HERC2: variants seen among roughly 807,000 people sequenced by gnomAD.
HERC2 encodes the protein E3 ubiquitin-protein ligase HERC2.
A neutral mutation model predicts 537.7 loss-of-function variants in HERC2; 102 were observed. The observed-to-expected ratio is 0.19, with a 90% CI of 0.16 to 0.22. HERC2 has a LOEUF of 0.22. HERC2 is among the 10% of genes least tolerant of loss of function. The pLI, the probability that HERC2 is intolerant of heterozygous loss-of-function variation, is 1.00. For missense variants in HERC2, 4,236 were observed against 6,198.2 expected, an observed-to-expected ratio of 0.68 and a Z score of 10.63; for synonymous variants, 2,224 against 2,466.2, an observed-to-expected ratio of 0.90 and a Z score of 2.91.
chr15:28,291,118 GTA>G (rs2076298943), intron 4 of HERC2, among the ~76,000 whole-genome samples: 1 of 152,220 alleles, frequency 6.6e-6, no homozygotes, highest in Non-Finnish European at 1.5e-5. Context: ...TGGATAACAG[GTA>G]GTACATGCTG....
intron 45 of HERC2, chr15:28,203,992 CCA>C (rs1898143424): frequency 6.6e-6 from 1 of 152,020 alleles, no homozygotes; most frequent in Non-Finnish European, 1.5e-5. Context: ...AATTAAGGAT[CCA>C]CAACCAGGGC....
Position 28,112,006 on chromosome 15 carries a change from G to C in HERC2, c.14262C>G (p.His4754Gln). 1 of 1,614,010 alleles carries C rather than the reference G, an allele frequency of 6.2e-7. No individual in the cohort carries two copies. The highest frequency in any genetic ancestry group is 1.1e-5 in the South Asian group (1 of 91,078). Reference sequence around the variant, plus strand: ...AACAGGTGTAGGACTCAGGGAGGAAGTGGTCTGGAGGGTTGTATTTATCCA... The same window carrying C: ...AACAGGTGTAGGACTCAGGGAGGAACTGGTCTGGAGGGTTGTATTTATCCA... ...QVLDKYNPPD[H>Q]FLPESYTCFF... Residue 4754 changes from histidine to glutamine, a missense_variant, in exon 93 of 93, where the codon CAC becomes CAG. Around this residue, in one of 27 missense-constraint regions of HERC2, gnomAD observed 313 missense variants for 462.6 expected, o/e 0.68. Coordinates refer to ENST00000261609, the MANE Select transcript of HERC2 (RefSeq NM_004667.6).
chr15:28,209,595 A>G (rs533516106), intron 44 of HERC2, among the ~76,000 whole-genome samples: 24 of 152,238 alleles, frequency 1.6e-4, no homozygotes, highest in South Asian at 6.2e-4. Context: ...TGCCCGCCTT[A>G]GCCTCCCAAA....
intron 2 of HERC2, among the ~76,000 whole-genome samples, chr15:28,317,955 G>A (rs1349037596): frequency 6.6e-6 from 1 of 152,042 alleles, no homozygotes; most frequent in Non-Finnish European, 1.5e-5. Flanking sequence ...AATTTCATGT[G>A]CCACTTAAAA....
At chr15:28,263,236 C>T (rs1249940381) in intron 14 of HERC2, 67 bp from the exon 15 acceptor site, 1 of 1,528,100 alleles carries the variant, frequency 6.5e-7, no homozygotes, top group South Asian at 1.2e-5. Context: ...TAAATGACTG[C>T]AAATAATATA....
At chr15:28,318,684 T>C (rs941109218) in intron 2 of HERC2, among the ~76,000 whole-genome samples, 36 of 152,128 alleles carry the variant, frequency 2.4e-4, no homozygotes, top group Non-Finnish European at 4.6e-4. Flanking sequence ...TATATATGCC[T>C]GGCATAAAAT....
At chr15:28,149,543 G>A (rs962016022) in intron 70 of HERC2, among the ~76,000 whole-genome samples, 3 of 147,002 alleles carry the variant, frequency 2.0e-5, no homozygotes, top group Admixed American at 6.8e-5. Flanking sequence ...GAACGTCACC[G>A]AGAATGGCCA....
intron 2 of HERC2, chr15:28,316,204 C>T (rs2077078440): frequency 2.7e-5 from 3 of 110,450 alleles, no homozygotes; most frequent in African/African-American, 1.1e-4. Context: ...ACCTGGGCAA[C>T]AGAGTGAGAC....
At chr15:28,286,660 A>C (rs555579189) in intron 4 of HERC2, among the ~76,000 whole-genome samples, 4 of 152,222 alleles carry the variant, frequency 2.6e-5, no homozygotes, top group African/African-American at 7.2e-5. Flanking sequence ...CCTATGCCAA[A>C]AACAATGTCA....
chr15:28,221,449 G>A (rs1330403776), intron 36 of HERC2, among the ~76,000 whole-genome samples: 52 of 149,752 alleles, frequency 3.5e-4, no homozygotes, highest in Middle Eastern at 3.4e-3. Context: ...TGACAAAGCC[G>A]GGGCTTACCA....
chr15:28,258,414 G>A (rs1408049317), intron 16 of HERC2, among the ~76,000 whole-genome samples: 1 of 152,128 alleles, frequency 6.6e-6, no homozygotes, highest in Admixed American at 6.5e-5. Context: ...AGAGGTTGCC[G>A]TGAGCTGAGA....
chr15:28,127,167 T>G (rs924100521), intron 83 of HERC2, among the ~76,000 whole-genome samples: 3 of 152,218 alleles, frequency 2.0e-5, no homozygotes, highest in Non-Finnish European at 4.4e-5. Flanking sequence ...CTGCCTGCTC[T>G]CCACACGTTG....
rs59556486 is a variant in HERC2, at chr15:28,254,290, A to C, written c.3050+50T>G. On this transcript the variant is annotated intron_variant, in intron 20 of 92. Coordinates refer to ENST00000261609, the MANE Select transcript of HERC2 (RefSeq NM_004667.6). ...AAGAGCGAACTCTGTCACACACACA[A>C]AAAAAAGTAAATAAATAACATATAA... 4.5e-3 allele frequency: 6,211 copies of C among 1,372,562 alleles called. 177 individuals are homozygous for C. In the African/African-American group the frequency reaches 0.064, roughly 14 times the overall value. 85.0% of individuals were successfully genotyped at this position (1,372,562 alleles called of 1,614,324 possible).
In HERC2 at chr15:28,132,575, C is replaced by A. The variant is rs1477272705; in HGVS notation, c.12408+78G>T. On this transcript the variant is annotated intron_variant, in intron 80 of 92. Transcript: ENST00000261609. ...GAAGCCAAAGCATTTTTCATAACAA[C>A]GGTGGCAAACCGCCCCCATCTGACA... The A allele has an allele frequency of 3.1e-6, 4 of 1,282,532 alleles. No homozygotes were observed. In the South Asian group the frequency reaches 7.2e-5, roughly 23 times the overall value. 79.4% of individuals were successfully genotyped at this position (1,282,532 alleles called of 1,614,324 possible). A position where few individuals can be genotyped will look rare whatever the true frequency, so the allele number is the denominator to read the frequency against.
chr15:28,225,970 A>G (rs2140548852), intron 35 of HERC2, among the ~76,000 whole-genome samples: 1 of 152,360 alleles, frequency 6.6e-6, no homozygotes, highest in East Asian at 1.9e-4. Context: ...TTCAACAAAG[A>G]AAAGCTTAGC....
intron 34 of HERC2, 121 bp from the exon 35 acceptor site, chr15:28,228,530 T>C: frequency 1.1e-6 from 1 of 898,504 alleles, no homozygotes; most frequent in South Asian, 1.6e-5. Context: ...ACATTTCTTC[T>C]GCATGGATGC....
At chr15:28,180,563 G>C (rs1184807453) in intron 57 of HERC2, among the ~76,000 whole-genome samples, 1 of 152,206 alleles carries the variant, frequency 6.6e-6, no homozygotes, top group Non-Finnish European at 1.5e-5. Flanking sequence ...AACGTAGACA[G>C]CTGCTGGTAA....
Position 28,113,774 on chromosome 15 carries a change from C to T in HERC2, c.13914-96G>A, listed in dbSNP as rs943056472. ...TGGCATGCAGCACTGTGGCCGCACA[C>T]GTCCCAGCTGGGAGAACAGAGGGAG... On this transcript the variant is annotated intron_variant, in intron 90 of 92. Coordinates refer to ENST00000261609, the MANE Select transcript of HERC2 (RefSeq NM_004667.6). The surrounding 1 kb of genome is among the most constrained non-coding windows in gnomAD (Gnocchi z 7.0). 67 of 972,012 alleles carry T rather than the reference C, an allele frequency of 6.9e-5. 1 individual carries two copies. In the Admixed American group the frequency reaches 1.2e-3, roughly 17 times the overall value. 60.2% of individuals were successfully genotyped at this position (972,012 alleles called of 1,614,324 possible).
chr15:28,145,519 C>G (rs8024526), intron 71 of HERC2, among the ~76,000 whole-genome samples: 134,030 of 152,198 alleles, frequency 0.88, 60,686 homozygotes, highest in East Asian at 0.99. Flanking sequence ...AAACCCACGC[C>G]CACTGGGACC....
Sources: gnomAD v4.1 joint callset for allele counts (sites outside exome capture counted in the v4.1 genomes callset) on GRCh38, gnomAD v4.1.1 for gene constraint, gnomAD v4.1.1 regional missense constraint, Gnocchi (gnomAD v3.1) non-coding constraint, MANE v1.5 for transcripts, NCBI Gene and HGNC (gene_info 2026-07-23, HGNC 2026-07-21) for gene names.